SHANK2: variants seen among roughly 807,000 people sequenced by gnomAD.
The protein encoded by SHANK2 is SH3 and multiple ankyrin repeat domains protein 2.
In SHANK2, 43 loss-of-function variants were observed where a neutral mutation model predicts 133.7. That is an observed-to-expected ratio of 0.32 (90% confidence interval 0.25 to 0.41). The LOEUF (loss-of-function observed/expected upper bound fraction) is 0.41, where lower values mean the gene tolerates loss of function less well. Among genes scored for constraint, SHANK2 ranks in the 10% least tolerant of loss-of-function variants. SHANK2 has a pLI of 1.00. For synonymous variants in SHANK2, 1,017 were observed against 952.8 expected (o/e 1.07, Z -1.24); for missense variants, 1,994 against 2,235.8 (o/e 0.89, Z 2.18).
In SHANK2 at chr11:70,804,788, C is replaced by T. The variant is rs1255843756; in HGVS notation, c.1663+2214G>A. The stretch of plus-strand genomic sequence containing the variant: ...CGCCTGCCATGTCCCAGGACCCCTG[C>T]GAGTCCTGGGTCCTCAAGTCTGCCT... On this transcript the variant is annotated intron_variant, in intron 13 of 25. Coordinates refer to ENST00000601538, the MANE Select transcript of SHANK2 (RefSeq NM_012309.5). The surrounding 1 kb of genome is among the most constrained non-coding windows in gnomAD (Gnocchi z 4.1). Among the ~76,000 whole-genome samples the T allele has an allele frequency of 6.6e-6, 1 of 152,204 alleles. No individual in the cohort carries two copies. Among genetic ancestry groups the T allele is most frequent in the African/African-American group, 2.4e-5 (1 of 41,452 alleles).
intron 17 of SHANK2, among the ~76,000 whole-genome samples, chr11:70,518,238 CAG>C (rs2059289199): frequency 6.6e-6 from 1 of 152,168 alleles, no homozygotes; most frequent in African/African-American, 2.4e-5. Context: ...TATGAAAAGA[CAG>C]AGACTCTTAT....
At chr11:70,828,739 G>A (rs1362556347) in intron 11 of SHANK2, among the ~76,000 whole-genome samples, 1 of 152,192 alleles carries the variant, frequency 6.6e-6, no homozygotes, top group East Asian at 1.9e-4. Flanking sequence ...TGTCCGTATT[G>A]GTGTGTACAG....
intron 18 of SHANK2, among the ~76,000 whole-genome samples, chr11:70,502,517 G>A (rs1181308266): frequency 2.6e-5 from 4 of 152,158 alleles, no homozygotes; most frequent in African/African-American, 9.7e-5. Flanking sequence ...CAGGGGGAGG[G>A]AGGGGACAGG....
intron 10 of SHANK2, among the ~76,000 whole-genome samples, chr11:70,913,784 T>C (rs1453275083): frequency 3.9e-5 from 6 of 152,130 alleles, no homozygotes; most frequent in African/African-American, 1.4e-4. Context: ...GCAGCAGGCA[T>C]TAGGACCCTA....
intron 15 of SHANK2, chr11:70,669,546 G>A (rs1000629989): frequency 6.6e-6 from 1 of 152,646 alleles, no homozygotes; most frequent in Non-Finnish European, 1.5e-5. Context: ...CAGAGCCACC[G>A]GGCAGGAGGC....
rs1952077563 is a variant in SHANK2, at chr11:71,121,170, T to C, written c.208-2138A>G. Among the ~76,000 whole-genome samples the C allele has an allele frequency of 2.0e-5, 3 of 152,304 alleles. No individual in the cohort carries two copies. The South Asian group carries it at 6.2e-4, about 32-fold the overall frequency. On this transcript the variant is annotated intron_variant, in intron 3 of 25. Coordinates refer to ENST00000601538, the MANE Select transcript of SHANK2 (RefSeq NM_012309.5). ...AGTGGGGCACACCAACCTTGATTCC[T>C]AGGGAAACCCACCCACCCAGCAGTC...
rs560205973 is a variant in SHANK2 at position 70,758,133 on chromosome 11, G to A, written c.1777+40310C>T. Reference sequence around the variant, plus strand: ...AATGCTAATTAGGCAAAAACAGGAGGTAAAGAAATAGCCAATCATCTATTG... The same window carrying A: ...AATGCTAATTAGGCAAAAACAGGAGATAAAGAAATAGCCAATCATCTATTG... On this transcript the variant is annotated intron_variant, in intron 14 of 25. Coordinates refer to ENST00000601538, the MANE Select transcript of SHANK2 (RefSeq NM_012309.5). Among the ~76,000 whole-genome samples, 40 of 152,314 alleles carry A rather than the reference G, an allele frequency of 2.6e-4. No homozygotes were observed. In the South Asian group the frequency reaches 7.7e-3, roughly 29 times the overall value.
At chr11:70,933,359 TG>T (rs1266741919) in intron 10 of SHANK2, 2 of 454,048 alleles carry the variant, frequency 4.4e-6, no homozygotes, top group Non-Finnish European at 4.4e-6. Context: ...TACCAGAGGC[TG>T]GGGGAGGAGG....
intron 11 of SHANK2, among the ~76,000 whole-genome samples, chr11:70,844,181 T>C (rs1312477913): frequency 6.6e-6 from 1 of 152,172 alleles, no homozygotes; most frequent in African/African-American, 2.4e-5. Flanking sequence ...GTGTTCTCCC[T>C]GCCACAGGCA....
chr11:70,644,720 G>A (rs1301023615), intron 17 of SHANK2, among the ~76,000 whole-genome samples: 1 of 152,206 alleles, frequency 6.6e-6, no homozygotes, highest in African/African-American at 2.4e-5. Flanking sequence ...CTCCAGACCT[G>A]CTTGCTAAAC....
chr11:70,725,467 C>T (rs1337583281), intron 14 of SHANK2, among the ~76,000 whole-genome samples: 1 of 152,164 alleles, frequency 6.6e-6, no homozygotes, highest in East Asian at 1.9e-4. Flanking sequence ...GGCCTGGGGC[C>T]TTTGACAGCT....
intron 17 of SHANK2, among the ~76,000 whole-genome samples, chr11:70,655,236 G>C (rs1164889229): frequency 1.3e-5 from 2 of 152,190 alleles, no homozygotes; most frequent in African/African-American, 4.8e-5. Flanking sequence ...TCACAAAAAA[G>C]TATTTGCTAA....
At chr11:71,210,227 T>TATATATATATATATATATAC (rs1954232969) in intron 2 of SHANK2, among the ~76,000 whole-genome samples, 1 of 67,956 alleles carries the variant, frequency 1.5e-5, no homozygotes, top group Admixed American at 1.6e-4. Flanking sequence ...TATATATATA[T>TATATATATATATATATATAC]ATATATATAT....
intron 10 of SHANK2, among the ~76,000 whole-genome samples, chr11:70,931,643 C>T (rs76469308): frequency 0.013 from 1,937 of 152,322 alleles, 40 homozygotes; most frequent in African/African-American, 0.043. Flanking sequence ...AGCCCTCACC[C>T]GCCCCTCTGA....
intron 11 of SHANK2, among the ~76,000 whole-genome samples, chr11:70,883,253 T>G (rs1475117542): frequency 6.6e-6 from 1 of 152,146 alleles, no homozygotes; most frequent in Non-Finnish European, 1.5e-5. Flanking sequence ...ACAGGAGCTA[T>G]TTTTGCTGCT....
At chr11:70,784,343 GTTTT>G (rs71049942) in intron 14 of SHANK2, among the ~76,000 whole-genome samples, 28 of 42,854 alleles carry the variant, frequency 6.5e-4, no homozygotes, top group African/African-American at 2.2e-3. Flanking sequence ...ACACCGGCTA[GTTTT>G]TTTTTTTTTT....
At chr11:70,740,063 AGG>A (rs1555034402) in intron 14 of SHANK2, among the ~76,000 whole-genome samples, 2 of 151,560 alleles carry the variant, frequency 1.3e-5, no homozygotes, top group Non-Finnish European at 2.9e-5. Context: ...CACAGCACCT[AGG>A]ACAGACAGTG....
At chr11:70,551,491 C>T (rs941714335) in intron 17 of SHANK2, among the ~76,000 whole-genome samples, 4 of 152,164 alleles carry the variant, frequency 2.6e-5, no homozygotes, top group South Asian at 2.1e-4. Context: ...TGATGGCGAC[C>T]GCATGCCTGT....
chr11:70,658,920 T>A (rs1312009055), intron 17 of SHANK2, among the ~76,000 whole-genome samples: 1 of 152,224 alleles, frequency 6.6e-6, no homozygotes, highest in Non-Finnish European at 1.5e-5. Flanking sequence ...CAGGGTGACA[T>A]GGAAGAGCGC....
Sources: allele counts gnomAD v4.1 joint callset (sites outside exome capture counted in the v4.1 genomes callset), GRCh38; gene constraint gnomAD v4.1.1; non-coding constraint Gnocchi (gnomAD v3.1); transcripts MANE v1.5; gene names NCBI Gene and HGNC (gene_info 2026-07-23, HGNC 2026-07-21).